TMEM62: variants seen among roughly 807,000 people sequenced by gnomAD.
TMEM62 encodes the protein transmembrane protein 62.
A neutral mutation model predicts 70.4 loss-of-function variants in TMEM62; 41 were observed. The ratio of observed to expected loss-of-function variants is 0.58; its 90% CI spans 0.45 to 0.76. The LOEUF is 0.76. Among genes scored for constraint, TMEM62 ranks in the 30% least tolerant of loss-of-function variants. The pLI is 0.00. For missense variants in TMEM62, 688 were observed against 788.5 expected, an observed-to-expected ratio of 0.87 and a Z score of 1.53; for synonymous variants, 268 against 291.0, an observed-to-expected ratio of 0.92 and a Z score of 0.80.
Position 43,161,683 on chromosome 15 carries a change from A to G in TMEM62, c.1296+889A>G, listed in dbSNP as rs2038720538. ...TTTGTTTTTTGTTTTTTCTGGAATCAGAGTTTTGCTCTTGTTTCCCAGGCT... is the reference window on the plus strand; with the variant it reads ...TTTGTTTTTTGTTTTTTCTGGAATCGGAGTTTTGCTCTTGTTTCCCAGGCT... On this transcript the variant is annotated intron_variant, in intron 10 of 13. Transcript: ENST00000260403. 2.0e-5 allele frequency among the ~76,000 whole-genome samples: 3 copies of G among 152,186 alleles called. No individual in the cohort carries two copies. In the South Asian group the frequency reaches 6.2e-4, roughly 32 times the overall value.
intron 11 of TMEM62, among the ~76,000 whole-genome samples, chr15:43,171,785 G>T (rs753145861): frequency 7.3e-5 from 11 of 151,386 alleles, no homozygotes. Flanking sequence ...CCACCACCAC[G>T]CCTGGCTAAT....
intron 10 of TMEM62, among the ~76,000 whole-genome samples, chr15:43,164,347 G>A (rs1291485254): frequency 6.6e-6 from 1 of 152,066 alleles, no homozygotes; most frequent in African/African-American, 2.4e-5. Context: ...CAAGATGTGA[G>A]TGGTTTATGT....
Position 43,184,380 on chromosome 15 carries a change from C to T in TMEM62, c.1726C>T (p.His576Tyr). ...QRKYLKIMPV[H>Y]LLMLLLYIWQ... ...AAAATACTTGAAAATTATGCCTGTT[C>T]ACCTACTTATGCTACTGCTGTACAT... is the stretch of plus-strand genomic sequence containing the variant. Residue 576 changes from histidine (H) to tyrosine (Y), a missense_variant, in exon 14 of 14, where the codon CAC becomes TAC. Physicochemically the swap from His to Tyr is moderately conservative, Grantham distance 83 (BLOSUM62 2). Transcript: ENST00000260403. 6.2e-7 allele frequency: 1 copy of T among 1,614,226 alleles called. No homozygotes were observed. The highest frequency in any genetic ancestry group is 2.2e-5 in the East Asian group (1 of 44,892).
chr15:43,169,812 T>C, intron 11 of TMEM62, 135 bp downstream of exon 11: 1 of 676,448 alleles, frequency 1.5e-6, no homozygotes, highest in South Asian at 2.0e-5. Flanking sequence ...TCAAGAAGCC[T>C]TGAGTAAATG....
At chr15:43,148,936 T>C in intron 6 of TMEM62, 57 bp downstream of exon 6, 1 of 1,602,470 alleles carries the variant, frequency 6.2e-7, no homozygotes, top group Non-Finnish European at 8.5e-7. Flanking sequence ...TATTTTGCTG[T>C]TACCTATTCT....
upstream of TMEM62, chr15:43,133,189 C>A (rs867245342): frequency 1.3e-5 from 2 of 152,024 alleles, no homozygotes; most frequent in South Asian, 4.2e-4. Context: ...GGGATAGAGA[C>A]CCTGTCTGAG....
chr15:43,146,320 G>A (rs1022785267), intron 4 of TMEM62, 173 bp from the exon 5 acceptor site: 22 of 578,852 alleles, frequency 3.8e-5, no homozygotes, highest in African/African-American at 3.7e-4. Flanking sequence ...GGGACAATGG[G>A]AGAAAAACTT....
At chr15:43,183,105 A>G (rs2041511449) in intron 13 of TMEM62, among the ~76,000 whole-genome samples, 3 of 152,184 alleles carry the variant, frequency 2.0e-5, no homozygotes, top group African/African-American at 2.4e-5. Context: ...TGACTCCACC[A>G]TTCACCTGAT....
At chr15:43,158,905 T>TATTTC (rs1321982822) in intron 9 of TMEM62, among the ~76,000 whole-genome samples, 38 of 152,222 alleles carry the variant, frequency 2.5e-4, no homozygotes, top group African/African-American at 9.2e-4. Context: ...ATACTTGATG[T>TATTTC]ATTTCAGTCC....
chr15:43,144,591 A>C (rs2036439370), intron 4 of TMEM62, among the ~76,000 whole-genome samples: 1 of 152,226 alleles, frequency 6.6e-6, no homozygotes, highest in Non-Finnish European at 1.5e-5. Context: ...TACCCATCTG[A>C]ACTAAGTTCT....
At chr15:43,135,372 T>G in intron 2 of TMEM62, 140 bp from the exon 3 acceptor site, 1 of 760,594 alleles carries the variant, frequency 1.3e-6, no homozygotes, top group Non-Finnish European at 1.9e-6. Context: ...GATTTGGACA[T>G]TGGTGGTCTC....
At chr15:43,134,796 C>T (rs184781404) in intron 2 of TMEM62, among the ~76,000 whole-genome samples, 7 of 152,274 alleles carry the variant, frequency 4.6e-5, no homozygotes, top group African/African-American at 1.4e-4. Flanking sequence ...TTGAGGCTTC[C>T]GGTGACCCAG....
chr15:43,141,092 G>A (rs1394194760), intron 4 of TMEM62, among the ~76,000 whole-genome samples: 1 of 152,222 alleles, frequency 6.6e-6, no homozygotes, highest in East Asian at 1.9e-4. Flanking sequence ...CGTGAGCTGG[G>A]TGATAGCATC....
upstream of TMEM62, chr15:43,133,522 T>G: frequency 2.0e-4 from 57 of 289,908 alleles, no homozygotes; most frequent in Middle Eastern, 1.9e-3. Flanking sequence ...GCCACCGTCA[T>G]TGGTGTTCAG....
chr15:43,141,283 T>C (rs1274046811), intron 4 of TMEM62, among the ~76,000 whole-genome samples: 1 of 152,234 alleles, frequency 6.6e-6, no homozygotes, highest in Non-Finnish European at 1.5e-5. Context: ...CTGATGACTT[T>C]AAGTGGAGCC....
intron 8 of TMEM62, among the ~76,000 whole-genome samples, chr15:43,154,141 A>G (rs990013439): frequency 1.3e-5 from 2 of 152,210 alleles, no homozygotes; most frequent in African/African-American, 4.8e-5. Flanking sequence ...TTCATCACTA[A>G]TGAAATGGAA....
chr15:43,160,498 T>C (rs2038565989), intron 9 of TMEM62, 183 bp from the exon 10 acceptor site: 1 of 533,038 alleles, frequency 1.9e-6, no homozygotes. Flanking sequence ...CTAGCTATGA[T>C]TGCACCACTG....
chr15:43,157,744 A>G (rs1380756013), intron 9 of TMEM62, among the ~76,000 whole-genome samples: 1 of 152,146 alleles, frequency 6.6e-6, no homozygotes, highest in Non-Finnish European at 1.5e-5. Flanking sequence ...ACTGTTTTTT[A>G]AAAACTTAAC....
chr15:43,155,568 G>T lies in TMEM62; in HGVS notation c.1182+737G>T, dbSNP rs572463853. ...AGTATATTCTGAAAATGGGCACTTG[G>T]AATAATTCTAATATTAGATTAAAAA... is the stretch of plus-strand genomic sequence containing the variant. On this transcript the variant is annotated intron_variant, in intron 9 of 13. Coordinates refer to ENST00000260403, the MANE Select transcript of TMEM62 (RefSeq NM_024956.4). 2.6e-5 allele frequency among the ~76,000 whole-genome samples: 4 copies of T among 152,212 alleles called. No individual in the cohort carries two copies. The South Asian group carries it at 8.3e-4, about 32-fold the overall frequency.
Sources: allele counts gnomAD v4.1 joint callset (sites outside exome capture counted in the v4.1 genomes callset), GRCh38; gene constraint gnomAD v4.1.1; transcripts MANE v1.5; gene names NCBI Gene and HGNC (gene_info 2026-07-23, HGNC 2026-07-21).